The following MIPOL1 variants were observed in gnomAD, a reference collection of about 807,000 sequenced individuals.
MIPOL1 encodes the protein mirror-image polydactyly 1.
MIPOL1 carries 57 observed loss-of-function variants against 60.9 expected under a neutral mutation model. That is an observed-to-expected ratio of 0.94 (90% confidence interval 0.76 to 1.17). The LOEUF (loss-of-function observed/expected upper bound fraction) is 1.17, where lower values mean the gene tolerates loss of function less well. Among genes scored for constraint, MIPOL1 ranks in the 50% most tolerant of loss-of-function variants. The probability of loss-of-function intolerance (pLI) is 0.00; values close to 1 mark genes in which losing one functional copy is unlikely to be tolerated. For missense variants in MIPOL1, 551 were observed against 511.6 expected (o/e 1.08, Z -0.74); for synonymous variants, 179 against 168.8 (o/e 1.06, Z -0.47).
chr14:37,216,062 C>CAAA (rs71449980), intron 1 of MIPOL1, among the ~76,000 whole-genome samples: 22,653 of 85,184 alleles, frequency 0.27, 2,369 homozygotes, highest in South Asian at 0.37. Flanking sequence ...ACCTCCATCT[C>CAAA]AAAAAAAAAA....
At position 37,200,850 on chromosome 14, in the gene MIPOL1, A is replaced by ATGTGTGTG. The variant is rs56965903; in HGVS notation, c.-199+2788_-199+2795dup. On this transcript the variant is annotated intron_variant, in intron 1 of 12. Transcript: ENST00000684589. ...TAGATCCATAATACTATATCTATCT[A>ATGTGTGTG]TGTGTGTGTGTGTGTGTGTGTGTGT... Among the ~76,000 whole-genome samples the ATGTGTGTG allele has an allele frequency of 7.7e-3, 669 of 87,016 alleles. 12 individuals are homozygous for ATGTGTGTG. Among genetic ancestry groups the ATGTGTGTG allele is most frequent in the Non-Finnish European group, 0.011 (566 of 49,932 alleles). The allele number at this position is 87,016 out of a possible 152,430, so 57.1% of individuals were successfully genotyped here.
chr14:37,286,991 T>A (rs1279541402), intron 7 of MIPOL1, among the ~76,000 whole-genome samples: 1 of 152,076 alleles, frequency 6.6e-6, no homozygotes, highest in Non-Finnish European at 1.5e-5. Flanking sequence ...TGAAAAGCAG[T>A]GTAATGTAGA....
intron 1 of MIPOL1, among the ~76,000 whole-genome samples, chr14:37,244,438 C>A (rs1247890809): frequency 6.6e-6 from 1 of 151,832 alleles, no homozygotes; most frequent in East Asian, 1.9e-4. Flanking sequence ...TTTTTATATA[C>A]TGAAAATTTT....
chr14:37,229,350 T>A (rs148638462), intron 1 of MIPOL1, among the ~76,000 whole-genome samples: 6 of 152,272 alleles, frequency 3.9e-5, no homozygotes, highest in African/African-American at 1.4e-4. Flanking sequence ...TTTGCCATAT[T>A]GCTTATGCTG....
At chr14:37,325,837 C>A (rs953157761) in intron 9 of MIPOL1, among the ~76,000 whole-genome samples, 1 of 152,078 alleles carries the variant, frequency 6.6e-6, no homozygotes, top group African/African-American at 2.4e-5. Context: ...ATCTGTGATC[C>A]CAGGCAGTAT....
intron 12 of MIPOL1, among the ~76,000 whole-genome samples, chr14:37,545,178 ATATCT>A (rs1207005156): frequency 1.3e-5 from 2 of 152,236 alleles, no homozygotes; most frequent in Admixed American, 6.5e-5. Context: ...AATGCTACTA[ATATCT>A]TATAATGATT....
chr14:37,246,664 T>C (rs947788196), intron 1 of MIPOL1, among the ~76,000 whole-genome samples: 8 of 152,144 alleles, frequency 5.3e-5, no homozygotes, highest in Non-Finnish European at 2.9e-5. Flanking sequence ...AACTAAATCA[T>C]TCCAATCATT....
intron 12 of MIPOL1, among the ~76,000 whole-genome samples, chr14:37,509,769 TTGTG>T (rs1472771956): frequency 6.6e-6 from 1 of 150,584 alleles, no homozygotes; most frequent in South Asian, 2.1e-4. Context: ...ACATGTATGT[TTGTG>T]TGTATATACA....
At chr14:37,321,545 A>G (rs2088575533) in intron 9 of MIPOL1, among the ~76,000 whole-genome samples, 1 of 151,938 alleles carries the variant, frequency 6.6e-6, no homozygotes, top group South Asian at 2.1e-4. Flanking sequence ...TGAAGTTTGT[A>G]TATTCTGTAG....
intron 7 of MIPOL1, among the ~76,000 whole-genome samples, chr14:37,295,257 G>A (rs2085523879): frequency 6.6e-6 from 1 of 152,144 alleles, no homozygotes; most frequent in African/African-American, 2.4e-5. Flanking sequence ...CAAATGCTGA[G>A]AGATTTTGTC....
chr14:37,370,232 T>C (rs992119525), intron 10 of MIPOL1, among the ~76,000 whole-genome samples: 1 of 152,164 alleles, frequency 6.6e-6, no homozygotes, highest in African/African-American at 2.4e-5. Flanking sequence ...AAAAAGGACA[T>C]GGTTTTAATT....
At chr14:37,446,009 A>C (rs1008953178) in intron 11 of MIPOL1, among the ~76,000 whole-genome samples, 1 of 152,104 alleles carries the variant, frequency 6.6e-6, no homozygotes, top group Non-Finnish European at 1.5e-5. Context: ...GGACATAGGC[A>C]TGGGCAAGGA....
At chr14:37,405,117 A>G (rs532253428) in intron 10 of MIPOL1, among the ~76,000 whole-genome samples, 1 of 152,262 alleles carries the variant, frequency 6.6e-6, no homozygotes, top group African/African-American at 2.4e-5. Context: ...TCTTATTGCA[A>G]CATTTCTTTG....
At chr14:37,368,991 A>G (rs1049456615) in intron 9 of MIPOL1, among the ~76,000 whole-genome samples, 6 of 152,016 alleles carry the variant, frequency 3.9e-5, no homozygotes, top group Admixed American at 2.0e-4. Context: ...TTCTTTATCT[A>G]TTTCCAAGTC....
intron 1 of MIPOL1, among the ~76,000 whole-genome samples, chr14:37,207,965 A>G (rs942367708): frequency 5.3e-5 from 8 of 152,314 alleles, no homozygotes; most frequent in African/African-American, 1.7e-4. Context: ...TAAGCTGGCA[A>G]CGTAAAGAAA....
At chr14:37,367,877 C>G (rs2092525924) in intron 9 of MIPOL1, among the ~76,000 whole-genome samples, 1 of 151,832 alleles carries the variant, frequency 6.6e-6, no homozygotes, top group South Asian at 2.1e-4. Flanking sequence ...TAATTTGTGT[C>G]CTTAGTAACA....
At chr14:37,460,099 A>G (rs2094523055) in intron 11 of MIPOL1, among the ~76,000 whole-genome samples, 1 of 58,318 alleles carries the variant, frequency 1.7e-5, no homozygotes, top group Non-Finnish European at 7.0e-5. Context: ...AAATAATAAT[A>G]ATAATAATAA....
chr14:37,393,384 T>G (rs904016165), intron 10 of MIPOL1, among the ~76,000 whole-genome samples: 10 of 124,970 alleles, frequency 8.0e-5, no homozygotes, highest in Admixed American at 2.4e-4. Context: ...ACTAAGGTTT[T>G]GTTTTGTTTT....
intron 11 of MIPOL1, among the ~76,000 whole-genome samples, chr14:37,489,140 G>C (rs2095002812): frequency 6.6e-6 from 1 of 152,100 alleles, no homozygotes; most frequent in African/African-American, 2.4e-5. Context: ...ATTTATCTTG[G>C]AGGCTTTGTT....
Sources: allele counts gnomAD v4.1 joint callset (sites outside exome capture counted in the v4.1 genomes callset), GRCh38; gene constraint gnomAD v4.1.1; transcripts MANE v1.5; gene names NCBI Gene and HGNC (gene_info 2026-07-23, HGNC 2026-07-21).